DGUOK: variants seen among roughly 807,000 people sequenced by gnomAD.
DGUOK encodes the protein deoxyguanosine kinase.
A neutral mutation model predicts 36.6 loss-of-function variants in DGUOK; 30 were observed. The observed-to-expected ratio is 0.82, with a 90% CI of 0.61 to 1.11. DGUOK has a LOEUF of 1.11. Among genes scored for constraint, DGUOK ranks in the 50% most tolerant of loss-of-function variants. The pLI, the probability that DGUOK is intolerant of heterozygous loss-of-function variation, is 0.00. For synonymous variants in DGUOK, 145 were observed against 126.3 expected, an observed-to-expected ratio of 1.15 and a Z score of -0.99; for missense variants, 361 against 336.4, an observed-to-expected ratio of 1.07 and a Z score of -0.57.
chr2:73,953,559 C>T (rs1444443481), intron 4 of DGUOK, among the ~76,000 whole-genome samples: 1 of 151,878 alleles, frequency 6.6e-6, no homozygotes, highest in Admixed American at 6.6e-5. Context: ...GGTAACTGTG[C>T]CCAAGGGAAG....
Position 73,958,903 on chromosome 2 carries a change from C to A in DGUOK, c.*167C>A. ...TATTGTTAGACTTTGCCATTGTTTTCTTTTGTACCTGAAGCATTTTGAAAA... is the reference window on the plus strand; with the variant it reads ...TATTGTTAGACTTTGCCATTGTTTTATTTTGTACCTGAAGCATTTTGAAAA... On this transcript the variant is annotated 3_prime_UTR_variant, in exon 7 of 7. Transcript: ENST00000264093. The A allele has an allele frequency of 1.6e-6, 1 of 643,224 alleles. No individual in the cohort carries two copies. The allele number at this position is 643,224 out of a possible 1,614,324, so 39.8% of individuals were successfully genotyped here.
At chr2:73,939,229 A>G (rs1229624080) in intron 2 of DGUOK, among the ~76,000 whole-genome samples, 4 of 152,162 alleles carry the variant, frequency 2.6e-5, no homozygotes, top group Non-Finnish European at 5.9e-5. Flanking sequence ...TTATATGTCT[A>G]TCTAAGTGAC....
chr2:73,927,241 C>G (rs763298288), intron 1 of DGUOK, among the ~76,000 whole-genome samples, 189 bp downstream of exon 1: 2 of 152,208 alleles, frequency 1.3e-5, no homozygotes, highest in African/African-American at 2.4e-5. Flanking sequence ...GATATCGGGC[C>G]TCAGTACCCG....
At chr2:73,956,475 G>A (rs1169950258) in intron 4 of DGUOK, among the ~76,000 whole-genome samples, 6 of 152,182 alleles carry the variant, frequency 3.9e-5, no homozygotes, top group South Asian at 4.1e-4. Context: ...TTATATTGCC[G>A]TACTACAGAC....
At chr2:73,930,787 T>C (rs1300710944) in intron 1 of DGUOK, among the ~76,000 whole-genome samples, 1 of 78,230 alleles carries the variant, frequency 1.3e-5, no homozygotes, top group Admixed American at 1.2e-4. Flanking sequence ...ATTTTCTTTT[T>C]TTTTTTCTTT....
chr2:73,952,611 G>A (rs1324085125), intron 4 of DGUOK, among the ~76,000 whole-genome samples: 4 of 152,332 alleles, frequency 2.6e-5, no homozygotes, highest in South Asian at 4.1e-4. Context: ...TTCTCAGGAC[G>A]AGCTGAGCAT....
At chr2:73,932,094 C>G (rs965651751) in intron 1 of DGUOK, among the ~76,000 whole-genome samples, 1 of 152,012 alleles carries the variant, frequency 6.6e-6, no homozygotes, top group African/African-American at 2.4e-5. Flanking sequence ...CAAGAGAGTC[C>G]GGAGATGGGT....
At chr2:73,949,511 A>G (rs181199373) in intron 3 of DGUOK, among the ~76,000 whole-genome samples, 1 of 152,316 alleles carries the variant, frequency 6.6e-6, no homozygotes, top group Non-Finnish European at 1.5e-5. Flanking sequence ...ATTACAAGAC[A>G]TCATCATAAC....
chr2:73,949,645 G>T (rs781215701), intron 3 of DGUOK, among the ~76,000 whole-genome samples: 1 of 152,186 alleles, frequency 6.6e-6, no homozygotes, highest in Non-Finnish European at 1.5e-5. Flanking sequence ...CAGCCTTGCA[G>T]TCTGTACTTT....
chr2:73,943,684 C>T (rs1452753694), intron 2 of DGUOK, among the ~76,000 whole-genome samples: 1 of 150,720 alleles, frequency 6.6e-6, no homozygotes, highest in African/African-American at 2.4e-5. Flanking sequence ...AGTTTTGCTC[C>T]TGTTGCCCAG....
At position 73,953,287 on chromosome 2, in the gene DGUOK, A is replaced by ATCGTCG. The variant is rs1230774139; in HGVS notation, c.591+2557_591+2558insGTCGTC. On this transcript the variant is annotated intron_variant, in intron 4 of 6. Coordinates refer to ENST00000264093, the MANE Select transcript of DGUOK (RefSeq NM_080916.3). The stretch of plus-strand genomic sequence containing the variant: ...GATGATGATGATGATGATCATCATC[A>ATCGTCG]TCATCGTCGTCGTCGTCGTCGTCGT... Among the ~76,000 whole-genome samples, 529 of 94,900 alleles carry ATCGTCG rather than the reference A, an allele frequency of 5.6e-3. 4 individuals are homozygous for ATCGTCG. Among genetic ancestry groups the ATCGTCG allele is most frequent in the Non-Finnish European group, 0.01 (422 of 42,170 alleles). 62.3% of individuals were successfully genotyped at this position (94,900 alleles called of 152,430 possible).
intron 1 of DGUOK, among the ~76,000 whole-genome samples, chr2:73,929,648 A>G (rs1680866833): frequency 1.3e-5 from 2 of 152,202 alleles, no homozygotes; most frequent in Non-Finnish European, 2.9e-5. Flanking sequence ...GTAGGAGAAA[A>G]AAACAAAAGA....
chr2:73,958,256 C>CTT lies in DGUOK; in HGVS notation c.807+13_807+14dup, dbSNP rs762338433. On this transcript the variant is annotated intron_variant, in intron 6 of 6. Transcript: ENST00000264093. ...GACCTCATGAGAGAGGTGGGAAGGA[C>CTT]TTTAACTCCTGTTTTCTGGTGGTTT... The CTT allele has an allele frequency of 4.4e-6, 7 of 1,595,390 alleles. No individual in the cohort carries two copies. The highest frequency in any genetic ancestry group is 6.0e-6 in the Non-Finnish European group (7 of 1,163,360).
At chr2:73,940,692 T>C (rs1257850931) in intron 2 of DGUOK, among the ~76,000 whole-genome samples, 3 of 152,254 alleles carry the variant, frequency 2.0e-5, no homozygotes, top group Admixed American at 6.5e-5. Flanking sequence ...AACATATTTT[T>C]ACTGTACCTT....
At chr2:73,944,103 G>C (rs1470084437) in intron 2 of DGUOK, among the ~76,000 whole-genome samples, 1 of 152,106 alleles carries the variant, frequency 6.6e-6, no homozygotes, top group Admixed American at 6.6e-5. Flanking sequence ...CTGTAGCACT[G>C]AACTCCTGGG....
Position 73,926,916 on chromosome 2 carries a change from C to G in DGUOK, c.6C>G (p.Ala2=). The G allele has an allele frequency of 6.2e-7, 1 of 1,613,498 alleles. No individual in the cohort carries two copies. Among genetic ancestry groups the G allele is most frequent in the Non-Finnish European group, 8.5e-7 (1 of 1,180,038 alleles). The change falls in exon 1 of 7, where the codon GCC becomes GCG. Residue 2 remains alanine (A), a synonymous_variant. Coordinates refer to ENST00000264093, the MANE Select transcript of DGUOK (RefSeq NM_080916.3). Reference sequence around the variant, plus strand: ...CTGTGTGAATCGTGGGTGGGATGGCCGCGGGCCGCCTCTTTCTAAGTCGGC... The same window carrying G: ...CTGTGTGAATCGTGGGTGGGATGGCGGCGGGCCGCCTCTTTCTAAGTCGGC... The part of the protein sequence containing the change: M[A]AGRLFLSRLR...
chr2:73,954,651 T>C (rs1481940439), intron 4 of DGUOK, among the ~76,000 whole-genome samples: 1 of 152,096 alleles, frequency 6.6e-6, no homozygotes, highest in Non-Finnish European at 1.5e-5. Context: ...TACCTGGGAC[T>C]GGCACAGCAT....
intron 1 of DGUOK, among the ~76,000 whole-genome samples, chr2:73,929,481 A>G (rs1296697776): frequency 2.0e-5 from 3 of 152,122 alleles, no homozygotes; most frequent in Non-Finnish European, 2.9e-5. Flanking sequence ...GTAAGTTCAG[A>G]ATTAGGGTCT....
At chr2:73,933,912 AT>A (rs1473894700) in intron 1 of DGUOK, among the ~76,000 whole-genome samples, 6 of 152,100 alleles carry the variant, frequency 3.9e-5, no homozygotes, top group Middle Eastern at 3.4e-3. Flanking sequence ...AAAGACTTCA[AT>A]TTTTTTTGGA....
Sources: gnomAD v4.1 joint callset for allele counts (sites outside exome capture counted in the v4.1 genomes callset) on GRCh38, gnomAD v4.1.1 for gene constraint, MANE v1.5 for transcripts, NCBI Gene and HGNC (gene_info 2026-07-23, HGNC 2026-07-21) for gene names.